TTC39B: variants seen among roughly 807,000 people sequenced by gnomAD.
TTC39B encodes the protein tetratricopeptide repeat domain 39B.
A neutral mutation model predicts 96.6 loss-of-function variants in TTC39B; 92 were observed. The observed-to-expected ratio is 0.95, with a 90% CI of 0.80 to 1.13. TTC39B has a LOEUF of 1.13. TTC39B is among the 50% of genes most tolerant of loss of function. TTC39B has a pLI of 0.00. For synonymous variants in TTC39B, 367 were observed against 299.4 expected, an observed-to-expected ratio of 1.23 and a Z score of -2.33; for missense variants, 955 against 809.3, an observed-to-expected ratio of 1.18 and a Z score of -2.18.
rs536984818 is a variant in TTC39B at position 15,199,038 on chromosome 9, T to G, written c.824+823A>C. ...TATAAAAGCCTAACAACAGAGCTCC[T>G]AAATATATGAGGCAAACACTGACAG... On this transcript the variant is annotated intron_variant, in intron 8 of 19. Coordinates refer to ENST00000512701, the Ensembl canonical transcript of TTC39B. 1.5e-3 allele frequency among the ~76,000 whole-genome samples: 235 copies of G among 152,256 alleles called. 1 individual carries two copies. The highest frequency in any genetic ancestry group is 5.2e-3 in the African/African-American group (215 of 41,560).
At chr9:15,254,658 C>A (rs1586964006) in intron 2 of TTC39B, among the ~76,000 whole-genome samples, 1 of 152,042 alleles carries the variant, frequency 6.6e-6, no homozygotes, top group African/African-American at 2.4e-5. Flanking sequence ...GTTTAAAATA[C>A]ACTTTTTAAA....
intron 1 of TTC39B, among the ~76,000 whole-genome samples, chr9:15,290,693 T>A (rs796331437): frequency 3.9e-5 from 6 of 152,360 alleles, no homozygotes; most frequent in African/African-American, 1.4e-4. Flanking sequence ...ACATGTAACA[T>A]GTGGATCCAG....
rs762204586 is a variant in TTC39B at position 15,214,139 on chromosome 9, C to T, written c.482G>A (p.Trp161Ter). 1.2e-6 allele frequency: 2 copies of T among 1,607,466 alleles called. No individual in the cohort carries two copies. Among genetic ancestry groups the T allele is most frequent in the East Asian group, 4.5e-5 (2 of 44,782 alleles). ...ATCTAAAAGAGACAAAGTAAATTACCAGGGGCGAAGCAATTCTAAGGCGTC... is the reference window on the plus strand; with the variant it reads ...ATCTAAAAGAGACAAAGTAAATTACTAGGGGCGAAGCAATTCTAAGGCGTC... Residue 161 changes from tryptophan to a stop codon, truncating the protein, a stop_gained and splice_region_variant, in exon 4 of 20, where the codon TGG becomes TAG. Transcript: ENST00000512701. LOFTEE classifies it high-confidence loss of function.
At chr9:15,194,102 A>C (rs1365815937) in intron 8 of TTC39B, among the ~76,000 whole-genome samples, 1 of 152,208 alleles carries the variant, frequency 6.6e-6, no homozygotes, top group African/African-American at 2.4e-5. Flanking sequence ...CTTCTGCAAA[A>C]TATTAATATT....
chr9:15,277,172 A>T lies in TTC39B; in HGVS notation c.241-9224T>A, dbSNP rs1329067309. On this transcript the variant is annotated intron_variant, in intron 1 of 19. Transcript: ENST00000512701. The stretch of plus-strand genomic sequence containing the variant: ...GGCTGGGCGCAGTGGCTCATGCCTG[A>T]AATCCCAGCACTTTGGGAGGCAGAG... Among the ~76,000 whole-genome samples the T allele has an allele frequency of 2.0e-5, 3 of 152,124 alleles. No homozygotes were observed. The South Asian group carries it at 6.2e-4, about 32-fold the overall frequency.
intron 3 of TTC39B, among the ~76,000 whole-genome samples, chr9:15,218,370 C>T (rs1188232317): frequency 6.6e-6 from 1 of 151,950 alleles, no homozygotes; most frequent in African/African-American, 2.4e-5. Flanking sequence ...CTTTGAAGTG[C>T]TCTCACTTCA....
intron 7 of TTC39B, among the ~76,000 whole-genome samples, chr9:15,201,156 A>T (rs1819515695): frequency 6.6e-6 from 1 of 152,182 alleles, no homozygotes; most frequent in Admixed American, 6.5e-5. Context: ...GAATCAATAG[A>T]TATGAAATTC....
At chr9:15,178,392 A>G (rs1188245464) in intron 17 of TTC39B, among the ~76,000 whole-genome samples, 4 of 152,056 alleles carry the variant, frequency 2.6e-5, no homozygotes, top group African/African-American at 7.2e-5. Context: ...GGGCAATACA[A>G]TGAGACCCCG....
rs538437070 is a variant in TTC39B, at chr9:15,275,043, T to C, written c.241-7095A>G. Among the ~76,000 whole-genome samples, 28 of 135,608 alleles carry C rather than the reference T, an allele frequency of 2.1e-4. No individual in the cohort carries two copies. In the South Asian group the frequency reaches 5.5e-3, roughly 27 times the overall value. The allele number at this position is 135,608 out of a possible 152,430, so 89.0% of individuals were successfully genotyped here. On this transcript the variant is annotated intron_variant, in intron 1 of 19. Coordinates refer to ENST00000512701, the Ensembl canonical transcript of TTC39B. Reference sequence around the variant, plus strand: ...CTCATATAATCCCACGTAAATTCTGTTTTTTTTTTTTTCCTGAGATGGAGT... The same window carrying C: ...CTCATATAATCCCACGTAAATTCTGCTTTTTTTTTTTTCCTGAGATGGAGT...
intron 4 of TTC39B, 45 bp from the exon 5 acceptor site, chr9:15,211,442 T>C (rs1309759788): frequency 7.1e-7 from 1 of 1,411,740 alleles, no homozygotes; most frequent in Non-Finnish European, 9.3e-7. Context: ...TCAATGGAAA[T>C]ACTGATCATA....
intron 1 of TTC39B, among the ~76,000 whole-genome samples, chr9:15,296,528 C>T (rs10115392): frequency 0.24 from 36,793 of 152,078 alleles, 4,995 homozygotes; most frequent in Non-Finnish European, 0.29. Flanking sequence ...GAATTTCACT[C>T]TTTTTGCCTA....
At chr9:15,186,863 T>G in intron 15 of TTC39B, 81 bp downstream of exon 15, 1 of 1,302,350 alleles carries the variant, frequency 7.7e-7, no homozygotes, top group East Asian at 2.4e-5. Context: ...GCCCAGCTAA[T>G]TTTTTGTATT....
chr9:15,285,782 G>C (rs1292671723), intron 1 of TTC39B, among the ~76,000 whole-genome samples: 1 of 152,092 alleles, frequency 6.6e-6, no homozygotes, highest in African/African-American at 2.4e-5. Flanking sequence ...GTGAACCCGG[G>C]AGGCGGAGCT....
intron 6 of TTC39B, among the ~76,000 whole-genome samples, 170 bp downstream of exon 6, chr9:15,209,918 G>C (rs1820095723): frequency 6.6e-6 from 1 of 152,092 alleles, no homozygotes; most frequent in Non-Finnish European, 1.5e-5. Context: ...TATGTACACA[G>C]AAAAGGCTTC....
intron 8 of TTC39B, among the ~76,000 whole-genome samples, chr9:15,196,905 A>G (rs573426317): frequency 2.2e-4 from 34 of 152,340 alleles, no homozygotes; most frequent in Non-Finnish European, 3.7e-4. Context: ...AAATTGCCAT[A>G]GCCACCCCAA....
intron 1 of TTC39B, among the ~76,000 whole-genome samples, chr9:15,288,563 C>T (rs1044219762): frequency 4.6e-5 from 7 of 152,198 alleles, no homozygotes; most frequent in African/African-American, 9.7e-5. Context: ...CCATTCATCC[C>T]ACTGAGAGCC....
At chr9:15,217,923 A>C (rs1042582904) in intron 3 of TTC39B, among the ~76,000 whole-genome samples, 1 of 152,156 alleles carries the variant, frequency 6.6e-6, no homozygotes. Context: ...AAAACAGCCC[A>C]GTATAGCCAG....
At chr9:15,231,085 G>C (rs535857508) in intron 2 of TTC39B, among the ~76,000 whole-genome samples, 2 of 152,162 alleles carry the variant, frequency 1.3e-5, no homozygotes, top group African/African-American at 4.8e-5. Flanking sequence ...TATGGTATGT[G>C]GAATTGCTAC....
At chr9:15,235,047 C>T (rs879493664) in intron 2 of TTC39B, among the ~76,000 whole-genome samples, 19 of 104,482 alleles carry the variant, frequency 1.8e-4, no homozygotes, top group African/African-American at 4.5e-4. Context: ...ATAAATAAAA[C>T]AAAAACAAAA....
Sources: allele counts gnomAD v4.1 joint callset (sites outside exome capture counted in the v4.1 genomes callset), GRCh38; gene constraint gnomAD v4.1.1; transcripts MANE v1.5; gene names NCBI Gene and HGNC (gene_info 2026-07-23, HGNC 2026-07-21).